The following XYLT1 variants were observed in gnomAD, a reference collection of about 807,000 sequenced individuals.
XYLT1 encodes the protein beta-D-xylosyltransferase 1.
A neutral mutation model predicts 91.3 loss-of-function variants in XYLT1; 36 were observed. That is an observed-to-expected ratio of 0.39 (90% CI 0.30 to 0.52). The LOEUF (loss-of-function observed/expected upper bound fraction) is 0.52. Among genes scored for constraint, XYLT1 ranks in the 20% least tolerant of loss-of-function variants. The pLI is 0.68. For missense variants in XYLT1, 1,242 were observed against 1,284.5 expected, an observed-to-expected ratio of 0.97 and a Z score of 0.51; for synonymous variants, 588 against 532.0, an observed-to-expected ratio of 1.11 and a Z score of -1.45.
intron 2 of XYLT1, among the ~76,000 whole-genome samples, chr16:17,268,837 T>TA (rs891537222): frequency 1.3e-5 from 2 of 152,136 alleles, no homozygotes; most frequent in African/African-American, 4.8e-5. Flanking sequence ...CATGCCCGAC[T>TA]AATTTTTGTA....
chr16:17,426,565 A>G lies in XYLT1; in HGVS notation c.363+43869T>C, dbSNP rs189826938. Among the ~76,000 whole-genome samples the G allele has an allele frequency of 1.1e-3, 162 of 152,186 alleles. 1 individual carries two copies. The highest frequency in any genetic ancestry group is 6.8e-3 in the Middle Eastern group (2 of 294). On this transcript the variant is annotated intron_variant, in intron 1 of 11. Coordinates refer to ENST00000261381, the MANE Select transcript of XYLT1 (RefSeq NM_022166.4). The stretch of plus-strand genomic sequence containing the variant: ...ACTCCATCTCAAAAAATAAATAAAT[A>G]AACAAAACAAGGCAATAGCATAGAG...
At chr16:17,460,478 G>A (rs1395356835) in intron 1 of XYLT1, among the ~76,000 whole-genome samples, 2 of 152,210 alleles carry the variant, frequency 1.3e-5, no homozygotes, top group African/African-American at 4.8e-5. Context: ...GCAGTGAGAG[G>A]CAAATAAGTG....
chr16:17,418,684 C>CA (rs962236575), intron 1 of XYLT1, among the ~76,000 whole-genome samples: 2 of 152,040 alleles, frequency 1.3e-5, no homozygotes, highest in East Asian at 1.9e-4. Flanking sequence ...CCTGTCTCTA[C>CA]AAAAAATACA....
At chr16:17,234,399 C>A (rs1388623769) in intron 3 of XYLT1, among the ~76,000 whole-genome samples, 1 of 152,184 alleles carries the variant, frequency 6.6e-6, no homozygotes. Context: ...CGATGAGGCT[C>A]TGATCAACGC....
chr16:17,216,713 GA>G (rs2032867881), intron 3 of XYLT1, among the ~76,000 whole-genome samples: 1 of 152,162 alleles, frequency 6.6e-6, no homozygotes, highest in Non-Finnish European at 1.5e-5. Context: ...TACACATGGG[GA>G]AACTGAGGCA....
intron 10 of XYLT1, among the ~76,000 whole-genome samples, chr16:17,122,169 G>C (rs2030084436): frequency 6.6e-6 from 1 of 152,178 alleles, no homozygotes; most frequent in Admixed American, 6.5e-5. Flanking sequence ...AGTTCTTTAA[G>C]GAATCTCCAC....
chr16:17,150,442 T>TTC (rs1238864644), intron 6 of XYLT1, among the ~76,000 whole-genome samples: 3 of 152,198 alleles, frequency 2.0e-5, no homozygotes, highest in Admixed American at 2.0e-4. Context: ...CACCCCGCCC[T>TTC]TCTCTCTCTT....
chr16:17,127,697 G>A lies in XYLT1; in HGVS notation c.2192C>T (p.Pro731Leu). Residue 731 changes from proline to leucine, a missense_variant, in exon 10 of 12, where the codon CCC becomes CTC. Physicochemically the swap from Pro to Leu is moderately conservative, Grantham distance 98. Around this residue, in one of 3 missense-constraint regions of XYLT1, gnomAD observed 511 missense variants for 497.0 expected, o/e 1.03. Coordinates refer to ENST00000261381, the MANE Select transcript of XYLT1 (RefSeq NM_022166.4). The stretch of plus-strand genomic sequence containing the variant: ...AAACTGAAGCCTCCCAAAGTCACTG[G>A]GTGGGCTTGCGATCTTGAAGACTTT... ...PKKVFKIASP[P>L]SDFGRLQFSE... 6.2e-7 allele frequency: 1 copy of A among 1,614,136 alleles called. No individual in the cohort carries two copies. The highest frequency in any genetic ancestry group is 8.5e-7 in the Non-Finnish European group (1 of 1,180,000).
chr16:17,381,749 G>A (rs2035683263), intron 1 of XYLT1, among the ~76,000 whole-genome samples: 2 of 152,022 alleles, frequency 1.3e-5, no homozygotes, highest in Non-Finnish European at 2.9e-5. Flanking sequence ...TAAAATAAAT[G>A]GAGATTGAAT....
chr16:17,284,221 C>T (rs77848924), intron 2 of XYLT1, among the ~76,000 whole-genome samples: 13,458 of 152,206 alleles, frequency 0.088, 731 homozygotes, highest in Middle Eastern at 0.12. Context: ...GCACAGCAAC[C>T]GGTACTTAGC....
rs939423009 is a variant in XYLT1 at position 17,470,524 on chromosome 16, C to T, written c.273G>A (p.Arg91=). 1.6e-6 allele frequency: 2 copies of T among 1,227,026 alleles called. No individual in the cohort carries two copies. Among genetic ancestry groups the T allele is most frequent in the Middle Eastern group, 3.1e-4 (1 of 3,198 alleles). The allele number at this position is 1,227,026 out of a possible 1,614,324, so 76.0% of individuals were successfully genotyped here. ...CTCCCCGCGCCCGCGCCTGGGGCCCCCGTCCTCCTCCTCCTCCGCCGCCGC... is the reference window on the plus strand; with the variant it reads ...CTCCCCGCGCCCGCGCCTGGGGCCCTCGTCCTCCTCCTCCTCCGCCGCCGC... ...GGGGGGGGGG[R]GPQARARGGG... The change falls in exon 1 of 12, where the codon CGG becomes CGA. Residue 91 remains arginine, a synonymous_variant. Coordinates refer to ENST00000261381, the MANE Select transcript of XYLT1 (RefSeq NM_022166.4).
chr16:17,374,845 T>C (rs1361719509), intron 1 of XYLT1, among the ~76,000 whole-genome samples: 1 of 152,134 alleles, frequency 6.6e-6, no homozygotes, highest in African/African-American at 2.4e-5. Flanking sequence ...CTCCCACACA[T>C]AACCAAATGG....
chr16:17,397,637 C>T (rs1447519156), intron 1 of XYLT1, among the ~76,000 whole-genome samples: 3 of 151,826 alleles, frequency 2.0e-5, no homozygotes, highest in Non-Finnish European at 4.4e-5. Flanking sequence ...CCCAGGCAGA[C>T]AAGGCAAGCT....
At chr16:17,420,946 CTCT>C (rs1211681867) in intron 1 of XYLT1, among the ~76,000 whole-genome samples, 1 of 152,178 alleles carries the variant, frequency 6.6e-6, no homozygotes, top group Non-Finnish European at 1.5e-5. Flanking sequence ...AAGCTAGATC[CTCT>C]TGTCTTTGGG....
chr16:17,238,464 T>C (rs988452745), intron 3 of XYLT1, among the ~76,000 whole-genome samples: 3 of 152,238 alleles, frequency 2.0e-5, no homozygotes, highest in African/African-American at 7.2e-5. Flanking sequence ...CCCTTGAGGT[T>C]GGAAAGTAGC....
intron 2 of XYLT1, among the ~76,000 whole-genome samples, chr16:17,304,394 G>T (rs2034442388): frequency 6.6e-6 from 1 of 152,094 alleles, no homozygotes; most frequent in South Asian, 2.1e-4. Flanking sequence ...CAAAGCTGTT[G>T]CCAACACAAT....
chr16:17,125,347 C>G (rs1043067309), intron 10 of XYLT1, among the ~76,000 whole-genome samples: 1 of 152,172 alleles, frequency 6.6e-6, no homozygotes, highest in Non-Finnish European at 1.5e-5. Context: ...GTCTTGCCTC[C>G]TATCCGCCAT....
chr16:17,125,147 A>G (rs2030214233), intron 10 of XYLT1, among the ~76,000 whole-genome samples: 1 of 151,960 alleles, frequency 6.6e-6, no homozygotes, highest in Admixed American at 6.6e-5. Flanking sequence ...TCTTTTGGGG[A>G]TGTTAAAGCA....
intron 1 of XYLT1, among the ~76,000 whole-genome samples, chr16:17,454,808 G>C (rs1288374119): frequency 6.6e-6 from 1 of 151,204 alleles, no homozygotes; most frequent in East Asian, 1.9e-4. Flanking sequence ...ACAAAGTGCT[G>C]GGATTACAGG....
Sources: allele counts gnomAD v4.1 joint callset (sites outside exome capture counted in the v4.1 genomes callset), GRCh38; gene constraint gnomAD v4.1.1; regional missense constraint gnomAD v4.1.1; transcripts MANE v1.5; gene names NCBI Gene and HGNC (gene_info 2026-07-23, HGNC 2026-07-21).